PUF60: variants seen among roughly 807,000 people sequenced by gnomAD.
The protein encoded by PUF60 is poly(U) binding splicing factor 60.
A neutral mutation model predicts 61.8 loss-of-function variants in PUF60; 10 were observed. The ratio of observed to expected loss-of-function variants is 0.16; its 90% CI spans 0.10 to 0.27. The LOEUF (loss-of-function observed/expected upper bound fraction) is 0.27, where lower values mean the gene tolerates loss of function less well. PUF60 is among the 10% of genes least tolerant of loss of function. The probability of loss-of-function intolerance (pLI) is 1.00; values close to 1 mark genes in which losing one functional copy is unlikely to be tolerated. For synonymous variants in PUF60, 353 were observed against 300.9 expected (o/e 1.17, Z -1.79); for missense variants, 371 against 754.0 (o/e 0.49, Z 5.95).
At chr8:143,820,373 C>T (rs4875062) in intron 5 of PUF60, 465,098 of 512,978 alleles carry the variant, frequency 0.91, 211,424 homozygotes, top group East Asian at 0.98. Context: ...GTGGCGTGGG[C>T]GCAGACGGGC....
rs558879772 is a variant in PUF60 at position 143,827,247 on chromosome 8, T to G, written c.24+2033A>C. The G allele has an allele frequency of 3.0e-4, 119 of 394,532 alleles. 2 individuals carry two copies. The highest frequency in any genetic ancestry group is 2.2e-3 in the South Asian group (117 of 54,384). The allele number at this position is 394,532 out of a possible 1,614,324, so 24.4% of individuals were successfully genotyped here. On this transcript the variant is annotated intron_variant, in intron 1 of 11. Transcript: ENST00000526683. ...GGCAGCCGGGGGCCTCTCTATGAGGTGACATTGCAGGCTGGGGCCTACAGA... is the reference window on the plus strand; with the variant it reads ...GGCAGCCGGGGGCCTCTCTATGAGGGGACATTGCAGGCTGGGGCCTACAGA...
At chr8:143,829,173 C>A (rs1477889488) in intron 1 of PUF60, 107 bp downstream of exon 1, 8 of 1,224,202 alleles carry the variant, frequency 6.5e-6, no homozygotes, top group African/African-American at 1.6e-5. Context: ...CCGCGCGGGA[C>A]CTGGGAAGAC....
At position 143,821,831 on chromosome 8, in the gene PUF60, T is replaced by G; in HGVS notation, c.194A>C (p.Glu65Ala). The G allele has an allele frequency of 6.2e-7, 1 of 1,609,732 alleles. No individual in the cohort carries two copies. The highest frequency in any genetic ancestry group is 1.1e-5 in the South Asian group (1 of 90,780). ...GTCCATGCTCACCTTCTGAAGGGCC[T>G]CCTGCTGCTCGGGCGTCAGGGGAGG... ...GLPPLTPEQQ[E>A]ALQKAKKYAM... The change falls in exon 3 of 12, where the codon GAG becomes GCG. Residue 65 changes from glutamate to alanine, a missense_variant. By Grantham distance (107) the Glu-to-Ala change is moderately radical (BLOSUM62 -1). This residue lies in a region of PUF60 where 16 missense variants were observed against 26.9 expected (regional missense o/e 0.60). Transcript: ENST00000526683.
chr8:143,819,767 G>A (rs1427730474), intron 5 of PUF60, among the ~76,000 whole-genome samples: 4 of 151,626 alleles, frequency 2.6e-5, no homozygotes, highest in Admixed American at 2.6e-4. Context: ...CCCCAGACAC[G>A]AGACCAGGCC....
intron 1 of PUF60, among the ~76,000 whole-genome samples, chr8:143,826,055 T>C (rs1000042878): frequency 3.3e-5 from 5 of 152,234 alleles, no homozygotes; most frequent in Non-Finnish European, 5.9e-5. Context: ...AACCAGACGC[T>C]GGGAGAACTT....
chr8:143,824,248 AGGCAGGCGGGCGGGCGGGCG>A (rs1026862132), intron 2 of PUF60, 45 bp downstream of exon 2: 151 of 1,468,906 alleles, frequency 1.0e-4, no homozygotes, highest in African/African-American at 5.6e-4. Context: ...AGGGACGCAC[AGGCAGGCGGGCGGGCGGGCG>A]GGCAGGCGGG....
At chr8:143,822,293 G>A (rs1308884913) in intron 2 of PUF60, among the ~76,000 whole-genome samples, 2 of 152,204 alleles carry the variant, frequency 1.3e-5, no homozygotes, top group African/African-American at 2.4e-5. Flanking sequence ...CTCCAAGGCA[G>A]GAGAAAAGGG....
At chr8:143,821,533 G>C in intron 4 of PUF60, 64 bp downstream of exon 4, 3 of 1,352,082 alleles carry the variant, frequency 2.2e-6, no homozygotes, top group Non-Finnish European at 3.1e-6. Context: ...AGGAGGAAGA[G>C]CGTGAAGAGG....
chr8:143,818,641 G>C lies in PUF60; in HGVS notation c.349-107C>G. The stretch of plus-strand genomic sequence containing the variant: ...CCCACCCAGCCCTGCTGTGGGGAGG[G>C]CTCCCCACATGACAGGGAGGTGCGG... On this transcript the variant is annotated intron_variant, in intron 5 of 11. Transcript: ENST00000526683. The surrounding 1 kb of genome is among the most constrained non-coding windows in gnomAD (Gnocchi z 7.9). 4 of 1,225,912 alleles carry C rather than the reference G, an allele frequency of 3.3e-6. No homozygotes were observed. The highest frequency in any genetic ancestry group is 2.5e-5 in the Admixed American group (1 of 39,440). The allele number at this position is 1,225,912 out of a possible 1,614,324, so 75.9% of individuals were successfully genotyped here.
At chr8:143,820,005 G>A (rs1388518661) in intron 5 of PUF60, among the ~76,000 whole-genome samples, 1 of 152,182 alleles carries the variant, frequency 6.6e-6, no homozygotes, top group Admixed American at 6.5e-5. Context: ...CTTCCCCTCA[G>A]GATCCCCGAG....
intron 2 of PUF60, 21 bp downstream of exon 2, chr8:143,824,292 G>A (rs1296684318): frequency 1.3e-6 from 2 of 1,587,624 alleles, no homozygotes; most frequent in African/African-American, 1.3e-5. Context: ...GCCTGAGGGA[G>A]AGGATGCTTA....
intron 5 of PUF60, among the ~76,000 whole-genome samples, chr8:143,819,676 GC>G (rs1361816908): frequency 2.0e-5 from 3 of 152,172 alleles, no homozygotes; most frequent in African/African-American, 7.2e-5. Context: ...CTCACACTGG[GC>G]CCCCTGACAG....
rs183629291 is a variant in PUF60 at position 143,820,379 on chromosome 8, C to T, written c.348+287G>A. 59 of 524,442 alleles carry T rather than the reference C, an allele frequency of 1.1e-4. No homozygotes were observed. In the East Asian group the frequency reaches 1.4e-3, roughly 13 times the overall value. 32.5% of individuals were successfully genotyped at this position (524,442 alleles called of 1,614,324 possible). A position where few individuals can be genotyped will look rare whatever the true frequency, so the allele number is the denominator to read the frequency against. Reference sequence around the variant, plus strand: ...TGCGTGCAGGTGGCGTGGGCGCAGACGGGCCTGGTGCTGGCAGCTACCCGC... The same window carrying T: ...TGCGTGCAGGTGGCGTGGGCGCAGATGGGCCTGGTGCTGGCAGCTACCCGC... On this transcript the variant is annotated intron_variant, in intron 5 of 11. Transcript: ENST00000526683.
At position 143,817,014 on chromosome 8, in the gene PUF60, G is replaced by C. The variant is rs990685735; in HGVS notation, c.1276C>G (p.Pro426Ala). The change falls in exon 11 of 12, where the codon CCC becomes GCC. Residue 426 changes from proline to alanine, a missense_variant. Physicochemically the swap from Pro to Ala is conservative, Grantham distance 27. This residue lies in a region of PUF60 where 68 missense variants were observed against 69.4 expected (regional missense o/e 0.98). Coordinates refer to ENST00000526683, the MANE Select transcript of PUF60 (RefSeq NM_078480.3). This position sits in a 1 kb window ranked among gnomAD's most constrained non-coding sequence, Gnocchi z 7.4. The part of the protein sequence containing the change: ...KKEKEEEELF[P>A]ESERPEMLSE... Reference sequence around the variant, plus strand: ...AGCATCTCTGGCCGCTCTGACTCGGGAAACAGCTCCTCTTCTTCCTTCTCC... The same window carrying C: ...AGCATCTCTGGCCGCTCTGACTCGGCAAACAGCTCCTCTTCTTCCTTCTCC... 1.2e-6 allele frequency: 2 copies of C among 1,609,246 alleles called. No individual in the cohort carries two copies. The highest frequency in any genetic ancestry group is 1.1e-5 in the South Asian group (1 of 90,266).
At chr8:143,823,942 C>A (rs4875065) in intron 2 of PUF60, among the ~76,000 whole-genome samples, 137,436 of 152,368 alleles carry the variant, frequency 0.9, 62,054 homozygotes, top group East Asian at 0.98. Context: ...TCTGGCTCCT[C>A]AAGCACTGCG....
intron 2 of PUF60, 53 bp downstream of exon 2, chr8:143,824,260 G>GCCCTCT: frequency 2.0e-6 from 3 of 1,497,472 alleles, no homozygotes; most frequent in Non-Finnish European, 1.8e-6. Flanking sequence ...GCAGGCGGGC[G>GCCCTCT]GGCGGGCGGG....
In PUF60 at chr8:143,817,011, C is replaced by T. The variant is rs1204115197; in HGVS notation, c.1279G>A (p.Glu427Lys). 3 of 1,608,558 alleles carry T rather than the reference C, an allele frequency of 1.9e-6. No homozygotes were observed. Among genetic ancestry groups the T allele is most frequent in the Non-Finnish European group, 2.5e-6 (3 of 1,177,742 alleles). The change falls in exon 11 of 12, where the codon GAG becomes AAG. Residue 427 changes from glutamate to lysine, a missense_variant. By Grantham distance (56) the Glu-to-Lys change is moderately conservative. Around this residue, in one of 13 missense-constraint regions of PUF60, gnomAD observed 68 missense variants for 69.4 expected, o/e 0.98. Transcript: ENST00000526683. The surrounding 1 kb of genome is among the most constrained non-coding windows in gnomAD (Gnocchi z 7.4). ...KEKEEEELFP[E>K]SERPEMLSEQ... The stretch of plus-strand genomic sequence containing the variant: ...CTCAGCATCTCTGGCCGCTCTGACT[C>T]GGGAAACAGCTCCTCTTCTTCCTTC...
chr8:143,816,392 A>C lies in PUF60; in HGVS notation c.*128T>G. 9.3e-7 allele frequency: 1 copy of C among 1,069,536 alleles called. No homozygotes were observed. Among genetic ancestry groups the C allele is most frequent in the African/African-American group, 1.6e-5 (1 of 62,438 alleles). The allele number at this position is 1,069,536 out of a possible 1,614,324, so 66.3% of individuals were successfully genotyped here. A position where few individuals can be genotyped will look rare whatever the true frequency, so the allele number is the denominator to read the frequency against. ...CACACGGACGTTCAGGGCCAGCAGCATCCGCACCTTTATCCGCACTGTAGG... is the reference window on the plus strand; with the variant it reads ...CACACGGACGTTCAGGGCCAGCAGCCTCCGCACCTTTATCCGCACTGTAGG... On this transcript the variant is annotated 3_prime_UTR_variant, in exon 12 of 12. Coordinates refer to ENST00000526683, the MANE Select transcript of PUF60 (RefSeq NM_078480.3).
Position 143,817,781 on chromosome 8 carries a change from C to T in PUF60, c.819G>A (p.Glu273=), listed in dbSNP as rs1464195034. The T allele has an allele frequency of 2.5e-6, 4 of 1,610,032 alleles. No individual in the cohort carries two copies. Among genetic ancestry groups the T allele is most frequent in the African/African-American group, 1.3e-5 (1 of 74,882 alleles). ...CTTGGGACGACTGGGCCTTCTCGTA[C>T]TCTGTGGGCAGGAGCAGCAGTGAGC... is the stretch of plus-strand genomic sequence containing the variant. ...TGKHKGYGFI[E]YEKAQSSQDA... Residue 273 remains glutamate (E), a splice_region_variant and synonymous_variant, in exon 9 of 12, where the codon GAG becomes GAA. Transcript: ENST00000526683. The surrounding 1 kb of genome is among the most constrained non-coding windows in gnomAD (Gnocchi z 7.4).
Sources: gnomAD v4.1 joint callset for allele counts (sites outside exome capture counted in the v4.1 genomes callset) on GRCh38, gnomAD v4.1.1 for gene constraint, gnomAD v4.1.1 regional missense constraint, Gnocchi (gnomAD v3.1) non-coding constraint, MANE v1.5 for transcripts, NCBI Gene and HGNC (gene_info 2026-07-23, HGNC 2026-07-21) for gene names.